RALYL: variants seen among roughly 807,000 people sequenced by gnomAD.
RALYL encodes RALY RNA binding protein like, also known as RNA-binding Raly-like protein.
A neutral mutation model predicts 35.1 loss-of-function variants in RALYL; 29 were observed. That is an observed-to-expected ratio of 0.83 (90% CI 0.61 to 1.13). The LOEUF is 1.13. Ranked by LOEUF, RALYL falls within the 50% of genes most tolerant of loss-of-function variation. RALYL has a pLI of 0.00. For missense variants in RALYL, 359 were observed against 360.4 expected (o/e 1.00, Z 0.03); for synonymous variants, 120 against 127.6 (o/e 0.94, Z 0.40).
chr8:84,586,867 A>AT (rs1397132874), intron 2 of RALYL, among the ~76,000 whole-genome samples: 3 of 152,106 alleles, frequency 2.0e-5, no homozygotes, highest in Non-Finnish European at 2.9e-5. Flanking sequence ...GCACCATATG[A>AT]TTTTTTGTGT....
chr8:84,785,312 C>T (rs965082531), intron 3 of RALYL, among the ~76,000 whole-genome samples: 1 of 152,096 alleles, frequency 6.6e-6, no homozygotes, highest in Non-Finnish European at 1.5e-5. Context: ...AGGAAACCTG[C>T]AACTAAGTTG....
intron 1 of RALYL, among the ~76,000 whole-genome samples, chr8:84,515,044 C>T (rs1032745875): frequency 1.2e-4 from 19 of 152,182 alleles, no homozygotes; most frequent in Non-Finnish European, 2.6e-4. Context: ...GGCTTCTGGT[C>T]TCTCAAGCCT....
intron 2 of RALYL, among the ~76,000 whole-genome samples, chr8:84,655,520 G>C (rs1829795583): frequency 1.3e-5 from 2 of 151,998 alleles, no homozygotes; most frequent in South Asian, 4.1e-4. Flanking sequence ...GTAGAGACGG[G>C]GTTTTGCCAT....
In RALYL at chr8:84,348,012, T is replaced by G. The variant is rs560179576; in HGVS notation, c.-24+163588T>G. ...GTTAAAGTTTAGCATTTGCTTTTTT[T>G]GGGCATGGTGGGACAAGACATTTGC... is the stretch of plus-strand genomic sequence containing the variant. On this transcript the variant is annotated intron_variant, in intron 1 of 8. Coordinates refer to ENST00000521268, the MANE Select transcript of RALYL (RefSeq NM_173848.7). Among the ~76,000 whole-genome samples the G allele has an allele frequency of 1.1e-3, 168 of 152,202 alleles. 5 individuals are homozygous for G. In the South Asian group the frequency reaches 0.032, roughly 29 times the overall value.
At chr8:84,364,840 T>A (rs1853874106) in intron 1 of RALYL, among the ~76,000 whole-genome samples, 1 of 152,272 alleles carries the variant, frequency 6.6e-6, no homozygotes, top group East Asian at 1.9e-4. Flanking sequence ...CATCACAAAA[T>A]TAGTTGAACA....
chr8:84,761,016 T>A (rs1812560285), intron 2 of RALYL, among the ~76,000 whole-genome samples: 1 of 152,038 alleles, frequency 6.6e-6, no homozygotes, highest in African/African-American at 2.4e-5. Context: ...AAGCACTCTG[T>A]GAATGGAGGT....
At position 84,243,105 on chromosome 8, in the gene RALYL, C is replaced by T. The variant is rs954682043; in HGVS notation, c.-24+58681C>T. On this transcript the variant is annotated intron_variant, in intron 1 of 8. Coordinates refer to ENST00000521268, the MANE Select transcript of RALYL (RefSeq NM_173848.7). ...CATATATTAAACAGGGAATTCTTTCCCCATTGCTGAAGATCAGATGGTTTA... is the reference window on the plus strand; with the variant it reads ...CATATATTAAACAGGGAATTCTTTCTCCATTGCTGAAGATCAGATGGTTTA... Among the ~76,000 whole-genome samples, 5 of 151,950 alleles carry T rather than the reference C, an allele frequency of 3.3e-5. No individual in the cohort carries two copies. In the South Asian group the frequency reaches 6.2e-4, roughly 19 times the overall value.
chr8:84,913,780 G>A (rs1312972699), intron 8 of RALYL, among the ~76,000 whole-genome samples: 1 of 151,752 alleles, frequency 6.6e-6, no homozygotes, highest in Non-Finnish European at 1.5e-5. Flanking sequence ...ATATTACAAA[G>A]CTTTAAGTGG....
chr8:84,275,453 A>G (rs1270367185), intron 1 of RALYL, among the ~76,000 whole-genome samples: 1 of 151,504 alleles, frequency 6.6e-6, no homozygotes, highest in Non-Finnish European at 1.5e-5. Context: ...ATTATGTATT[A>G]TGTACAGCAT....
chr8:84,690,305 A>G (rs919760194), intron 2 of RALYL, among the ~76,000 whole-genome samples: 3 of 152,154 alleles, frequency 2.0e-5, no homozygotes, highest in Non-Finnish European at 4.4e-5. Flanking sequence ...ACATGATCTC[A>G]TTTACATGTG....
At chr8:84,824,824 A>T (rs1829312529) in intron 4 of RALYL, among the ~76,000 whole-genome samples, 1 of 152,176 alleles carries the variant, frequency 6.6e-6, no homozygotes, top group Admixed American at 6.5e-5. Context: ...AGAAGAATGA[A>T]TCTGGACCCC....
intron 2 of RALYL, among the ~76,000 whole-genome samples, chr8:84,689,390 C>T (rs1837538474): frequency 6.6e-6 from 1 of 152,094 alleles, no homozygotes; most frequent in African/African-American, 2.4e-5. Flanking sequence ...CATCCATGTC[C>T]CTACAAAGGT....
At chr8:84,316,649 A>G (rs1843809868) in intron 1 of RALYL, among the ~76,000 whole-genome samples, 3 of 152,090 alleles carry the variant, frequency 2.0e-5, no homozygotes, top group Admixed American at 2.0e-4. Context: ...GCATGTTCAA[A>G]TGTTTGTTCT....
chr8:84,361,292 C>G (rs573664217), intron 1 of RALYL, among the ~76,000 whole-genome samples: 1 of 152,248 alleles, frequency 6.6e-6, no homozygotes, highest in Admixed American at 6.5e-5. Flanking sequence ...GTTTCAGCCT[C>G]CTGGAATTTG....
In RALYL at chr8:84,263,772, C is replaced by T. The variant is rs113597383; in HGVS notation, c.-24+79348C>T. 2.4e-3 allele frequency among the ~76,000 whole-genome samples: 366 copies of T among 152,142 alleles called. 2 individuals carry two copies. The highest frequency in any genetic ancestry group is 8.5e-3 in the African/African-American group (354 of 41,502). On this transcript the variant is annotated intron_variant, in intron 1 of 8. Transcript: ENST00000521268. ...TACTCTATCCTTCCCCGACCTCACC[C>T]CGACACAACAGGCCCAAGTGTGGGT... is the stretch of plus-strand genomic sequence containing the variant.
At chr8:84,572,015 G>A (rs1588257103) in intron 2 of RALYL, among the ~76,000 whole-genome samples, 3 of 151,782 alleles carry the variant, frequency 2.0e-5, no homozygotes, top group African/African-American at 7.2e-5. Flanking sequence ...CTTGTTTTAT[G>A]GCCAAGCATA....
intron 8 of RALYL, among the ~76,000 whole-genome samples, chr8:84,901,942 C>T (rs1845766118): frequency 6.6e-6 from 1 of 152,106 alleles, no homozygotes; most frequent in Admixed American, 6.6e-5. Context: ...TCTAAATCAA[C>T]TGGAGAAGGG....
chr8:84,830,077 A>G (rs1830571472), intron 4 of RALYL, among the ~76,000 whole-genome samples: 1 of 151,440 alleles, frequency 6.6e-6, no homozygotes, highest in Non-Finnish European at 1.5e-5. Context: ...AGTATGAAAA[A>G]TGAGGCACTA....
In RALYL at chr8:84,527,255, T is replaced by C. The variant is rs559249238; in HGVS notation, c.-23-2044T>C. Among the ~76,000 whole-genome samples the C allele has an allele frequency of 5.3e-5, 8 of 152,322 alleles. No individual in the cohort carries two copies. In the East Asian group the frequency reaches 9.6e-4, roughly 18 times the overall value. On this transcript the variant is annotated intron_variant, in intron 1 of 8. Coordinates refer to ENST00000521268, the MANE Select transcript of RALYL (RefSeq NM_173848.7). The stretch of plus-strand genomic sequence containing the variant: ...TGGAGGTACAGGTATGAGTGTCATC[T>C]ACACAGAATAAAAGAACAGAGCAGA...
Sources: allele counts gnomAD v4.1 joint callset (sites outside exome capture counted in the v4.1 genomes callset), GRCh38; gene constraint gnomAD v4.1.1; transcripts MANE v1.5; gene names NCBI Gene and HGNC (gene_info 2026-07-23, HGNC 2026-07-21).